GRM7: variants seen among roughly 807,000 people sequenced by gnomAD.
The protein encoded by GRM7 is metabotropic glutamate receptor 7.
Under a neutral mutation model 84.5 loss-of-function variants are expected in GRM7, and 35 were observed. The observed-to-expected ratio is 0.41, with a 90% CI of 0.32 to 0.55. The LOEUF (loss-of-function observed/expected upper bound fraction) is 0.55, where lower values mean the gene tolerates loss of function less well. Ranked by LOEUF, GRM7 falls within the 20% of genes least tolerant of loss-of-function variation. GRM7 has a pLI of 0.19. For missense variants in GRM7, 1,003 were observed against 1,194.6 expected (o/e 0.84, Z 2.36); for synonymous variants, 487 against 455.1 (o/e 1.07, Z -0.89).
intron 8 of GRM7, among the ~76,000 whole-genome samples, chr3:7,657,114 C>T (rs576346259): frequency 4.6e-5 from 7 of 152,216 alleles, no homozygotes; most frequent in African/African-American, 1.7e-4. Context: ...TCCACAATCC[C>T]GATGTTCTTC....
intron 1 of GRM7, among the ~76,000 whole-genome samples, chr3:7,007,250 T>C (rs1055408012): frequency 6.6e-6 from 1 of 152,114 alleles, no homozygotes; most frequent in Non-Finnish European, 1.5e-5. Flanking sequence ...TCTTTCTCCA[T>C]CAATCAAACG....
At chr3:7,262,077 C>G (rs890740805) in intron 2 of GRM7, among the ~76,000 whole-genome samples, 1 of 151,228 alleles carries the variant, frequency 6.6e-6, no homozygotes, top group African/African-American at 2.4e-5. Flanking sequence ...ATTACCTGAC[C>G]TTTCTCTCTT....
At chr3:7,459,582 G>C (rs1346076490) in intron 6 of GRM7, among the ~76,000 whole-genome samples, 2 of 152,084 alleles carry the variant, frequency 1.3e-5, no homozygotes, top group Non-Finnish European at 2.9e-5. Flanking sequence ...AAGAGAATGA[G>C]AGCCAAGTGA....
At chr3:7,597,963 C>T (rs996583275) in intron 8 of GRM7, among the ~76,000 whole-genome samples, 4 of 152,236 alleles carry the variant, frequency 2.6e-5, no homozygotes, top group Middle Eastern at 3.4e-3. Flanking sequence ...CACTTTCTCT[C>T]CTACATTTCC....
At chr3:7,616,343 C>T (rs1038279174) in intron 8 of GRM7, among the ~76,000 whole-genome samples, 51 of 152,076 alleles carry the variant, frequency 3.4e-4, no homozygotes, top group African/African-American at 1.1e-3. Context: ...TAAATCTATG[C>T]TTCGTGTGCT....
chr3:7,367,118 A>C (rs1424492030), intron 4 of GRM7, among the ~76,000 whole-genome samples: 1 of 150,418 alleles, frequency 6.6e-6, no homozygotes. Flanking sequence ...TACATCATTT[A>C]TTTCTTTACT....
intron 7 of GRM7, among the ~76,000 whole-genome samples, chr3:7,533,867 T>A (rs1701137480): frequency 6.6e-6 from 1 of 152,180 alleles, no homozygotes; most frequent in Non-Finnish European, 1.5e-5. Context: ...CCAAGACTCA[T>A]ATCAGTAATT....
intron 2 of GRM7, among the ~76,000 whole-genome samples, chr3:7,229,753 ATATATATTTTTTT>A (rs1697118724): frequency 1.4e-4 from 4 of 29,316 alleles, no homozygotes; most frequent in South Asian, 2.4e-3. Flanking sequence ...ATATATATAT[ATATATATTTTTTT>A]TTTTTTTTGG....
Position 7,186,897 on chromosome 3 carries a change from AC to A in GRM7, c.736+40230del, listed in dbSNP as rs111752500. 5.5e-3 allele frequency among the ~76,000 whole-genome samples: 838 copies of A among 152,308 alleles called. 7 individuals are homozygous for A. The highest frequency in any genetic ancestry group is 0.019 in the African/African-American group (793 of 41,572). ...TGTCTATTAACTCCAAGTGTCTAAG[AC>A]AATACGTTTCATATACATATGTCAA... On this transcript the variant is annotated intron_variant, in intron 2 of 9. Coordinates refer to ENST00000357716, the MANE Select transcript of GRM7 (RefSeq NM_000844.4).
chr3:7,337,507 C>G (rs1019844562), intron 4 of GRM7, among the ~76,000 whole-genome samples: 2 of 152,022 alleles, frequency 1.3e-5, no homozygotes, highest in East Asian at 1.9e-4. Flanking sequence ...TATTCGCAAA[C>G]TACGCATCCA....
chr3:7,017,751 A>G (rs1695627701), intron 1 of GRM7, among the ~76,000 whole-genome samples: 1 of 152,128 alleles, frequency 6.6e-6, no homozygotes, highest in African/African-American at 2.4e-5. Flanking sequence ...AGTTGCCCAT[A>G]TGGCTCTCAT....
intron 2 of GRM7, among the ~76,000 whole-genome samples, chr3:7,277,215 G>C (rs191460765): frequency 6.6e-6 from 1 of 151,932 alleles, no homozygotes; most frequent in Non-Finnish European, 1.5e-5. Context: ...ACTTAACTGG[G>C]TAAGTTATTT....
At chr3:7,219,196 C>A (rs1696714957) in intron 2 of GRM7, among the ~76,000 whole-genome samples, 1 of 152,098 alleles carries the variant, frequency 6.6e-6, no homozygotes, top group Admixed American at 6.6e-5. Context: ...GTTAAAAGGT[C>A]TTTCTAAATC....
intron 2 of GRM7, among the ~76,000 whole-genome samples, chr3:7,278,722 A>G (rs1312549356): frequency 1.3e-5 from 2 of 152,176 alleles, no homozygotes; most frequent in Non-Finnish European, 2.9e-5. Flanking sequence ...TTCAGAAATT[A>G]TGATAAGAAC....
intron 1 of GRM7, among the ~76,000 whole-genome samples, chr3:6,926,296 CATTT>C (rs1220377847): frequency 1.3e-5 from 2 of 152,116 alleles, no homozygotes; most frequent in African/African-American, 2.4e-5. Flanking sequence ...TTTGTGCATT[CATTT>C]GTGTCAACAT....
chr3:7,498,533 C>T (rs1699780053), intron 7 of GRM7, among the ~76,000 whole-genome samples: 1 of 152,090 alleles, frequency 6.6e-6, no homozygotes, highest in South Asian at 2.1e-4. Flanking sequence ...GCCAGATTCC[C>T]TAGGGTTGAA....
At chr3:7,052,264 G>A (rs1241185543) in intron 1 of GRM7, among the ~76,000 whole-genome samples, 1 of 151,600 alleles carries the variant, frequency 6.6e-6, no homozygotes, top group Non-Finnish European at 1.5e-5. Flanking sequence ...CCTGTTCTCT[G>A]CTTCACAGTA....
intron 7 of GRM7, 27 bp downstream of exon 7, chr3:7,461,749 C>T (rs1177150741): frequency 6.2e-7 from 1 of 1,606,792 alleles, no homozygotes; most frequent in African/African-American, 1.3e-5. Flanking sequence ...TCTCTTCTTC[C>T]CTTGTTGAGA....
intron 8 of GRM7, among the ~76,000 whole-genome samples, chr3:7,608,546 G>T (rs1696700936): frequency 1.3e-5 from 2 of 152,064 alleles, no homozygotes; most frequent in South Asian, 4.1e-4. Context: ...GTCTGTTCAT[G>T]TCCTTTGTCC....
Sources: gnomAD v4.1 joint callset for allele counts (sites outside exome capture counted in the v4.1 genomes callset) on GRCh38, gnomAD v4.1.1 for gene constraint, MANE v1.5 for transcripts, NCBI Gene and HGNC (gene_info 2026-07-23, HGNC 2026-07-21) for gene names.